The following ARFGEF3 variants were observed in gnomAD, a reference collection of about 807,000 sequenced individuals.
ARFGEF3 encodes the protein ARFGEF family member 3, also known as brefeldin A-inhibited guanine nucleotide-exchange protein 3.
A neutral mutation model predicts 221.7 loss-of-function variants in ARFGEF3; 96 were observed. The observed-to-expected ratio is 0.43, with a 90% confidence interval of 0.37 to 0.51. ARFGEF3 has a LOEUF of 0.51. ARFGEF3 is among the 20% of genes least tolerant of loss of function. The probability of loss-of-function intolerance (pLI) is 0.00; values close to 1 mark genes in which losing one functional copy is unlikely to be tolerated. For synonymous variants in ARFGEF3, 1,145 were observed against 1,126.8 expected, an observed-to-expected ratio of 1.02 and a Z score of -0.32; for missense variants, 2,410 against 2,789.9, an observed-to-expected ratio of 0.86 and a Z score of 3.07.
chr6:138,245,855 G>A (rs1023315800), intron 8 of ARFGEF3, among the ~76,000 whole-genome samples: 1 of 152,122 alleles, frequency 6.6e-6, no homozygotes, highest in East Asian at 1.9e-4. Flanking sequence ...TTGCTTCATG[G>A]AGCATGAAGC....
chr6:138,319,322 C>G lies in ARFGEF3; in HGVS notation c.4475-381C>G, dbSNP rs149211272. The stretch of plus-strand genomic sequence containing the variant: ...GTATGCAGACCGAAGTTTACATTAT[C>G]TCCTTTATATAAAATATTTCCCCAT... On this transcript the variant is annotated intron_variant, in intron 27 of 33. Coordinates refer to ENST00000251691, the MANE Select transcript of ARFGEF3 (RefSeq NM_020340.5). 6.0e-5 allele frequency among the ~76,000 whole-genome samples: 9 copies of G among 151,158 alleles called. No homozygotes were observed. The East Asian group carries it at 1.7e-3, about 29-fold the overall frequency.
intron 1 of ARFGEF3, among the ~76,000 whole-genome samples, chr6:138,163,550 C>T (rs1378895394): frequency 6.6e-6 from 1 of 151,986 alleles, no homozygotes; most frequent in Non-Finnish European, 1.5e-5. Flanking sequence ...TCCTAGTATT[C>T]GTTATTATTT....
chr6:138,296,714 G>A, intron 20 of ARFGEF3, 96 bp from the exon 21 acceptor site: 1 of 1,429,146 alleles, frequency 7.0e-7, no homozygotes, highest in Non-Finnish European at 9.6e-7. Context: ...TACCCTACTG[G>A]TCCTACCTAG....
At chr6:138,193,816 A>G (rs1164952722) in intron 2 of ARFGEF3, among the ~76,000 whole-genome samples, 2 of 152,206 alleles carry the variant, frequency 1.3e-5, no homozygotes, top group Non-Finnish European at 2.9e-5. Flanking sequence ...TGAGTCTTGA[A>G]GAGAATATGA....
intron 6 of ARFGEF3, 73 bp downstream of exon 6, chr6:138,238,704 C>T (rs1477979336): frequency 6.2e-6 from 9 of 1,443,836 alleles, no homozygotes. Context: ...GGGGCCCCCA[C>T]TGCCAGGGCT....
At position 138,255,752 on chromosome 6, in the gene ARFGEF3, A is replaced by C. The variant is rs777596671; in HGVS notation, c.1087A>C (p.Ile363Leu). 1 of 1,570,938 alleles carries C rather than the reference A, an allele frequency of 6.4e-7. No individual in the cohort carries two copies. The highest frequency in any genetic ancestry group is 8.7e-7 in the Non-Finnish European group (1 of 1,153,090). The change falls in exon 10 of 34, where the codon ATC (isoleucine) becomes CTC (leucine). Residue 363 changes from isoleucine (I) to leucine (L), a missense_variant. By Grantham distance (5) the Ile-to-Leu change is conservative. Coordinates refer to ENST00000251691, the MANE Select transcript of ARFGEF3 (RefSeq NM_020340.5). ...YPPPQHRVEA[I>L]KIMKEILGSP... Reference sequence around the variant, plus strand: ...CCCACCCCAGCACCGGGTGGAAGCCATCAAAATAATGAAAGAGGTGAGGAG... The same window carrying C: ...CCCACCCCAGCACCGGGTGGAAGCCCTCAAAATAATGAAAGAGGTGAGGAG...
At chr6:138,224,187 A>T (rs758626582) in intron 4 of ARFGEF3, among the ~76,000 whole-genome samples, 1 of 152,192 alleles carries the variant, frequency 6.6e-6, no homozygotes, top group Non-Finnish European at 1.5e-5. Flanking sequence ...CATAAATCCT[A>T]TACAAGTTAC....
chr6:138,226,769 C>T (rs1468827215), intron 4 of ARFGEF3, among the ~76,000 whole-genome samples: 2 of 152,174 alleles, frequency 1.3e-5, no homozygotes, highest in African/African-American at 2.4e-5. Context: ...ATTTTCTACC[C>T]CTAGTCTGTG....
At chr6:138,169,752 G>C (rs192372795) in intron 1 of ARFGEF3, among the ~76,000 whole-genome samples, 27 of 152,282 alleles carry the variant, frequency 1.8e-4, no homozygotes, top group African/African-American at 5.5e-4. Flanking sequence ...CTGATTAATT[G>C]TCTTTCTGAA....
intron 5 of ARFGEF3, among the ~76,000 whole-genome samples, chr6:138,233,864 C>T (rs1313438979): frequency 1.3e-5 from 2 of 152,132 alleles, no homozygotes; most frequent in African/African-American, 2.4e-5. Context: ...AGTAACCCCA[C>T]CTCCTGGCAA....
intron 6 of ARFGEF3, 63 bp downstream of exon 6, chr6:138,238,694 G>A (rs907097496): frequency 1.9e-5 from 30 of 1,562,618 alleles, no homozygotes; most frequent in South Asian, 5.9e-5. Context: ...CCCATGCCCC[G>A]GGGCCCCCAC....
chr6:138,218,782 G>C (rs1351714939), intron 4 of ARFGEF3, among the ~76,000 whole-genome samples: 1 of 152,208 alleles, frequency 6.6e-6, no homozygotes, highest in African/African-American at 2.4e-5. Flanking sequence ...CAGAGAGTCT[G>C]AGAGGGAAAG....
intron 29 of ARFGEF3, 25 bp downstream of exon 29, chr6:138,321,250 C>A: frequency 8.2e-7 from 1 of 1,219,674 alleles, no homozygotes; most frequent in Non-Finnish European, 1.2e-6. Context: ...TCCTGACTCT[C>A]CACAAAGCTG....
At chr6:138,250,516 A>G (rs1290196859) in intron 8 of ARFGEF3, among the ~76,000 whole-genome samples, 1 of 152,080 alleles carries the variant, frequency 6.6e-6, no homozygotes, top group Non-Finnish European at 1.5e-5. Context: ...ATTCCATTTC[A>G]CTCCTTACAC....
chr6:138,269,065 ACCAGGGAG>A (rs1284079239), intron 12 of ARFGEF3, among the ~76,000 whole-genome samples: 1 of 152,098 alleles, frequency 6.6e-6, no homozygotes, highest in Non-Finnish European at 1.5e-5. Flanking sequence ...CTCTTATATC[ACCAGGGAG>A]CCCCCATTAT....
At chr6:138,307,200 T>C in intron 22 of ARFGEF3, 53 bp from the exon 23 acceptor site, 4 of 1,582,254 alleles carry the variant, frequency 2.5e-6, no homozygotes, top group Non-Finnish European at 3.5e-6. Flanking sequence ...TCCCAGAAAT[T>C]CTGCTCCTTT....
chr6:138,332,221 C>T (rs779885704), intron 32 of ARFGEF3, among the ~76,000 whole-genome samples: 3 of 151,714 alleles, frequency 2.0e-5, no homozygotes, highest in Non-Finnish European at 2.9e-5. Flanking sequence ...GAGTGGGGTT[C>T]AAATGTCAGA....
At chr6:138,272,124 T>C (rs190797062) in intron 12 of ARFGEF3, among the ~76,000 whole-genome samples, 69 of 138,764 alleles carry the variant, frequency 5.0e-4, no homozygotes, top group African/African-American at 2.0e-3. Flanking sequence ...CAGAGATTTA[T>C]AGCATACTAG....
intron 27 of ARFGEF3, among the ~76,000 whole-genome samples, chr6:138,318,964 C>T (rs1441238729): frequency 3.9e-5 from 6 of 152,032 alleles, no homozygotes; most frequent in Non-Finnish European, 7.4e-5. Context: ...TAATCTCACA[C>T]TTTTGGGGTT....
Sources: gnomAD v4.1 joint callset for allele counts (sites outside exome capture counted in the v4.1 genomes callset) on GRCh38, gnomAD v4.1.1 for gene constraint, MANE v1.5 for transcripts, NCBI Gene and HGNC (gene_info 2026-07-23, HGNC 2026-07-21) for gene names.